SNRK: variants seen among roughly 807,000 people sequenced by gnomAD.
SNRK encodes the protein SNF related kinase.
In SNRK, 3 loss-of-function variants were observed where a neutral mutation model predicts 48.2. That is an observed-to-expected ratio of 0.06 (90% CI 0.03 to 0.16). The LOEUF is 0.16. Among genes scored for constraint, SNRK ranks in the 10% least tolerant of loss-of-function variants. SNRK has a pLI of 1.00. For synonymous variants in SNRK, 376 were observed against 366.1 expected (o/e 1.03, Z -0.31); for missense variants, 627 against 976.0 (o/e 0.64, Z 4.76).
chr3:43,328,779 C>T (rs1196722460), intron 3 of SNRK, among the ~76,000 whole-genome samples: 4 of 152,118 alleles, frequency 2.6e-5, no homozygotes, highest in African/African-American at 9.7e-5. Context: ...CTTGAACTTA[C>T]CTACTGTCTG....
intron 2 of SNRK, among the ~76,000 whole-genome samples, chr3:43,301,803 C>G (rs958451095): frequency 6.6e-6 from 1 of 152,050 alleles, no homozygotes; most frequent in Non-Finnish European, 1.5e-5. Context: ...AGAGAGCTAG[C>G]CTTAGGAGGT....
intron 2 of SNRK, among the ~76,000 whole-genome samples, chr3:43,302,351 C>A (rs1414557295): frequency 6.6e-6 from 1 of 152,082 alleles, no homozygotes; most frequent in African/African-American, 2.4e-5. Context: ...CAATTACCTC[C>A]TAAACATTTT....
chr3:43,307,369 G>T (rs2090945771), intron 3 of SNRK, among the ~76,000 whole-genome samples: 1 of 151,810 alleles, frequency 6.6e-6, no homozygotes, highest in Non-Finnish European at 1.5e-5. Context: ...TAACTTTATT[G>T]CACATCTCAG....
Position 43,351,015 on chromosome 3 carries a change from T to TCAA in SNRK, c.*2460_*2462dup, listed in dbSNP as rs2125654477. On this transcript the variant is annotated 3_prime_UTR_variant, in exon 7 of 7. Transcript: ENST00000296088. ...TGTGTGTTAAGAGGGTACAGAATTA[T>TCAA]CAACTGATTTGGTCAGTTGCTTCCA... 6.5e-6 allele frequency: 1 copy of TCAA among 152,778 alleles called. No homozygotes were observed. The highest frequency in any genetic ancestry group is 2.1e-4 in the South Asian group (1 of 4,834). 9.5% of individuals were successfully genotyped at this position (152,778 alleles called of 1,614,324 possible). A position where few individuals can be genotyped will look rare whatever the true frequency, so the allele number is the denominator to read the frequency against.
chr3:43,305,465 T>C (rs1052773553), intron 3 of SNRK, among the ~76,000 whole-genome samples: 2 of 151,342 alleles, frequency 1.3e-5, no homozygotes, highest in Non-Finnish European at 2.9e-5. Context: ...AGAGTACATA[T>C]AACATTTATA....
rs1172572917 is a variant in SNRK, at chr3:43,348,442, A to G, written c.2183A>G (p.Asn728Ser). The change falls in exon 7 of 7, where the codon AAT (asparagine) becomes AGT (serine). Residue 728 changes from asparagine (N) to serine (S), a missense_variant. Coordinates refer to ENST00000296088, the MANE Select transcript of SNRK (RefSeq NM_017719.5). ...LERIKSKNLK[N>S]NVLQLPLCEK... ...CGGATAAAGAGCAAGAACCTGAAAAATAACGTGCTGCAGCTACCTCTGTGC... is the reference window on the plus strand; with the variant it reads ...CGGATAAAGAGCAAGAACCTGAAAAGTAACGTGCTGCAGCTACCTCTGTGC... 8.1e-6 allele frequency: 13 copies of G among 1,612,128 alleles called. No homozygotes were observed. The highest frequency in any genetic ancestry group is 1.0e-5 in the Non-Finnish European group (12 of 1,179,194).
chr3:43,301,210 T>G (rs2090895493), intron 2 of SNRK, among the ~76,000 whole-genome samples: 1 of 152,236 alleles, frequency 6.6e-6, no homozygotes, highest in Non-Finnish European at 1.5e-5. Context: ...TTAACATACA[T>G]AAATTTTTTG....
rs549319487 is a variant in SNRK, at chr3:43,344,844, G to A, written c.1079+1366G>A. Among the ~76,000 whole-genome samples the A allele has an allele frequency of 2.6e-5, 4 of 152,098 alleles. No homozygotes were observed. The East Asian group carries it at 5.8e-4, about 22-fold the overall frequency. On this transcript the variant is annotated intron_variant, in intron 6 of 6. Transcript: ENST00000296088. Reference sequence around the variant, plus strand: ...ACCCCAAGGCAGATCATCACTACTCGCCAGGTGCACCGAGACTGGAGCTAC... The same window carrying A: ...ACCCCAAGGCAGATCATCACTACTCACCAGGTGCACCGAGACTGGAGCTAC...
In SNRK at chr3:43,328,738, C is replaced by T. The variant is rs576419680; in HGVS notation, c.590-3431C>T. ...GAAGCTTTCCCTGTTTCTTCTCTCT[C>T]CCATCTCAAACTGTGTTGGCTTTGT... On this transcript the variant is annotated intron_variant, in intron 3 of 6. Coordinates refer to ENST00000296088, the MANE Select transcript of SNRK (RefSeq NM_017719.5). 4.6e-5 allele frequency among the ~76,000 whole-genome samples: 7 copies of T among 152,280 alleles called. No individual in the cohort carries two copies. The East Asian group carries it at 1.4e-3, about 29-fold the overall frequency.
Position 43,348,118 on chromosome 3 carries a change from C to T in SNRK, c.1859C>T (p.Ser620Leu), listed in dbSNP as rs1039912962. 2.5e-6 allele frequency: 4 copies of T among 1,586,266 alleles called. No individual in the cohort carries two copies. The highest frequency in any genetic ancestry group is 2.2e-5 in the East Asian group (1 of 44,652). The change falls in exon 7 of 7, where the codon TCG (serine) becomes TTG (leucine). Residue 620 changes from serine to leucine, a missense_variant. Coordinates refer to ENST00000296088, the MANE Select transcript of SNRK (RefSeq NM_017719.5). The stretch of plus-strand genomic sequence containing the variant: ...TCGGGTGGCAACCCCACCAATACAT[C>T]GGGTACCACACGCCGCTGTGCCGGC... Reference protein sequence around the residue: ...SGSGGNPTNTSGTTRRCAGPS... With the variant: ...SGSGGNPTNTLGTTRRCAGPS...
chr3:43,348,082 C>G lies in SNRK; in HGVS notation c.1823C>G (p.Pro608Arg). The G allele has an allele frequency of 6.3e-7, 1 of 1,594,650 alleles. No homozygotes were observed. The highest frequency in any genetic ancestry group is 8.5e-7 in the Non-Finnish European group (1 of 1,170,346). ...GAGAACAATGCTGGTGGGGGCAGTC[C>G]CTCCAGCGGCTCGGGTGGCAACCCC... ...PSENNAGGGSPSSGSGGNPTN... is the reference protein window; with the variant it reads ...PSENNAGGGSRSSGSGGNPTN... The change falls in exon 7 of 7, where the codon CCC becomes CGC. Residue 608 changes from proline to arginine, a missense_variant. Around this residue, in one of 4 missense-constraint regions of SNRK, gnomAD observed 207 missense variants for 234.3 expected, o/e 0.88. Transcript: ENST00000296088.
intron 3 of SNRK, among the ~76,000 whole-genome samples, chr3:43,306,609 G>T (rs1005904465): frequency 6.6e-6 from 1 of 151,640 alleles, no homozygotes; most frequent in East Asian, 1.9e-4. Context: ...GCTTATTTCT[G>T]TGTGTCTTGA....
rs916420967 is a variant in SNRK at position 43,350,899 on chromosome 3, A to G, written c.*2342A>G. On this transcript the variant is annotated 3_prime_UTR_variant, in exon 7 of 7. Coordinates refer to ENST00000296088, the MANE Select transcript of SNRK (RefSeq NM_017719.5). ...ATAATTATGTACTTCTGGCAATTCT[A>G]TCTGTATTTAAAGATGTGACAATCT... is the stretch of plus-strand genomic sequence containing the variant. 1 of 152,598 alleles carries G rather than the reference A, an allele frequency of 6.6e-6. No homozygotes were observed. The highest frequency in any genetic ancestry group is 2.4e-5 in the African/African-American group (1 of 41,424). 9.5% of individuals were successfully genotyped at this position (152,598 alleles called of 1,614,324 possible).
Position 43,303,877 on chromosome 3 carries a change from C to A in SNRK, c.589+85C>A. The A allele has an allele frequency of 9.8e-7, 1 of 1,019,222 alleles. No individual in the cohort carries two copies. The highest frequency in any genetic ancestry group is 1.5e-6 in the Non-Finnish European group (1 of 689,000). 63.1% of individuals were successfully genotyped at this position (1,019,222 alleles called of 1,614,324 possible). A position where few individuals can be genotyped will look rare whatever the true frequency, so the allele number is the denominator to read the frequency against. The stretch of plus-strand genomic sequence containing the variant: ...TCGGTTGTTTATCTAAAAATGATTT[C>A]TAGAGAATTTCTGTTAAATTGGCCT... On this transcript the variant is annotated intron_variant, in intron 3 of 6. Transcript: ENST00000296088. This position sits in a 1 kb window ranked among gnomAD's most constrained non-coding sequence, Gnocchi z 6.2.
chr3:43,312,898 G>C (rs774580420), intron 3 of SNRK, among the ~76,000 whole-genome samples: 18 of 152,042 alleles, frequency 1.2e-4, no homozygotes, highest in Non-Finnish European at 1.8e-4. Flanking sequence ...AATAATGATA[G>C]AAATCAAAGA....
intron 3 of SNRK, among the ~76,000 whole-genome samples, chr3:43,315,936 T>C (rs2091010374): frequency 6.6e-6 from 1 of 152,236 alleles, no homozygotes; most frequent in Non-Finnish European, 1.5e-5. Context: ...GAAAATCTTT[T>C]CCTAAGCTTC....
At chr3:43,334,731 C>CT (rs1314863591) in intron 4 of SNRK, among the ~76,000 whole-genome samples, 7 of 151,812 alleles carry the variant, frequency 4.6e-5, no homozygotes, top group Non-Finnish European at 8.8e-5. Flanking sequence ...TTAGCTGGGA[C>CT]TAGAGGTGTG....
intron 3 of SNRK, among the ~76,000 whole-genome samples, chr3:43,305,353 C>T (rs1575536779): frequency 6.6e-6 from 1 of 152,050 alleles, no homozygotes; most frequent in South Asian, 2.1e-4. Context: ...GGGAATAATT[C>T]GTTCAGTATT....
intron 4 of SNRK, among the ~76,000 whole-genome samples, chr3:43,334,460 CAA>C (rs1196622842): frequency 1.5e-5 from 2 of 136,136 alleles, no homozygotes; most frequent in African/African-American, 2.7e-5. Context: ...GACCCTGTCT[CAA>C]AAAAAAAAAA....
Sources: gnomAD v4.1 joint callset for allele counts (sites outside exome capture counted in the v4.1 genomes callset) on GRCh38, gnomAD v4.1.1 for gene constraint, gnomAD v4.1.1 regional missense constraint, Gnocchi (gnomAD v3.1) non-coding constraint, MANE v1.5 for transcripts, NCBI Gene and HGNC (gene_info 2026-07-23, HGNC 2026-07-21) for gene names.